The following MED12L variants were observed in gnomAD, a reference collection of about 807,000 sequenced individuals.
MED12L encodes the protein mediator of RNA polymerase II transcription subunit 12-like protein.
MED12L carries 60 observed loss-of-function variants against 281.3 expected under a neutral mutation model. The ratio of observed to expected loss-of-function variants is 0.21; its 90% confidence interval spans 0.17 to 0.26. The LOEUF (loss-of-function observed/expected upper bound fraction) is 0.26, where lower values mean the gene tolerates loss of function less well. MED12L is among the 10% of genes least tolerant of loss of function. The probability of loss-of-function intolerance (pLI) is 1.00; values close to 1 mark genes in which losing one functional copy is unlikely to be tolerated. For missense variants in MED12L, 2,146 were observed against 2,680.9 expected (o/e 0.80, Z 4.41); for synonymous variants, 974 against 987.2 (o/e 0.99, Z 0.25).
intron 16 of MED12L, among the ~76,000 whole-genome samples, chr3:151,260,949 A>G (rs960564934): frequency 3.3e-5 from 5 of 152,122 alleles, no homozygotes; most frequent in Admixed American, 3.3e-4. Context: ...CCATCTCCCC[A>G]GACTGATTTC....
intron 11 of MED12L, among the ~76,000 whole-genome samples, chr3:151,170,085 T>C (rs922889803): frequency 6.6e-6 from 1 of 152,140 alleles, no homozygotes; most frequent in African/African-American, 2.4e-5. Context: ...AGTTTCAGTA[T>C]TGGTGAAAGC....
At chr3:151,409,008 G>C (rs931805760) in intron 39 of MED12L, among the ~76,000 whole-genome samples, 1 of 152,200 alleles carries the variant, frequency 6.6e-6, no homozygotes. Context: ...ACTTAGGCTT[G>C]TATTTATGGC....
intron 43 of MED12L, 127 bp downstream of exon 43, chr3:151,416,549 C>CT: frequency 1.1e-6 from 1 of 876,398 alleles, no homozygotes; most frequent in South Asian, 1.7e-5. Flanking sequence ...TTTCCTAGAA[C>CT]TTTACTAGAG....
At chr3:151,372,789 T>C (rs1326404486) in intron 27 of MED12L, 23 bp downstream of exon 27, 1 of 1,584,214 alleles carries the variant, frequency 6.3e-7, no homozygotes, top group Non-Finnish European at 8.7e-7. Flanking sequence ...AATTTGCCTT[T>C]TACTTTGAGT....
chr3:151,276,676 G>A (rs749603029), intron 16 of MED12L, among the ~76,000 whole-genome samples: 2 of 152,192 alleles, frequency 1.3e-5, no homozygotes, highest in African/African-American at 4.8e-5. Context: ...TAGAGTGAAC[G>A]TTCTTCTAGG....
At chr3:151,249,284 G>C (rs1022234057) in intron 16 of MED12L, among the ~76,000 whole-genome samples, 1 of 152,142 alleles carries the variant, frequency 6.6e-6, no homozygotes, top group African/African-American at 2.4e-5. Flanking sequence ...TTCCTGTGAA[G>C]CTGTTGTAAT....
intron 16 of MED12L, among the ~76,000 whole-genome samples, chr3:151,245,425 T>C (rs1577099795): frequency 6.8e-6 from 1 of 147,522 alleles, no homozygotes; most frequent in African/African-American, 2.5e-5. Flanking sequence ...TCCACCATGA[T>C]CAAGTGGGCT....
intron 14 of MED12L, among the ~76,000 whole-genome samples, chr3:151,192,315 T>C (rs559190000): frequency 1.3e-5 from 2 of 152,332 alleles, no homozygotes; most frequent in Admixed American, 1.3e-4. Context: ...ATCCGGATGT[T>C]TGTGTGCTCT....
intron 43 of MED12L, among the ~76,000 whole-genome samples, chr3:151,424,259 G>A (rs1718598104): frequency 6.6e-6 from 1 of 152,192 alleles, no homozygotes; most frequent in Non-Finnish European, 1.5e-5. Context: ...GAAATATCAG[G>A]AGATTTCTGG....
chr3:151,334,085 GA>G (rs1325409905), intron 16 of MED12L, among the ~76,000 whole-genome samples: 2 of 147,404 alleles, frequency 1.4e-5, no homozygotes, highest in Non-Finnish European at 3.0e-5. Context: ...TCAAAAAAAA[GA>G]AAAAAAATCT....
intron 19 of MED12L, among the ~76,000 whole-genome samples, chr3:151,356,455 C>T (rs1753934675): frequency 6.6e-6 from 1 of 152,170 alleles, no homozygotes; most frequent in Non-Finnish European, 1.5e-5. Flanking sequence ...TGTACATTAA[C>T]ATCATTTTAG....
At chr3:151,327,165 A>G (rs1047191942) in intron 16 of MED12L, 1 of 152,192 alleles carries the variant, frequency 6.6e-6, no homozygotes, top group Non-Finnish European at 1.5e-5. Context: ...TGAGAACCCT[A>G]TCACACACCC....
chr3:151,252,115 C>T (rs1230518879), intron 16 of MED12L, among the ~76,000 whole-genome samples: 8 of 152,126 alleles, frequency 5.3e-5, no homozygotes, highest in Admixed American at 2.6e-4. Context: ...CCACCCATCC[C>T]CTCCCTCCCT....
intron 20 of MED12L, among the ~76,000 whole-genome samples, chr3:151,358,200 G>A (rs184739354): frequency 5.9e-5 from 9 of 152,136 alleles, no homozygotes; most frequent in Admixed American, 2.0e-4. Flanking sequence ...AAGAGGAAAT[G>A]CTACCTTTAT....
intron 33 of MED12L, 65 bp from the exon 34 acceptor site, chr3:151,383,714 T>G (rs1025036753): frequency 7.9e-5 from 80 of 1,006,672 alleles, no homozygotes; most frequent in Middle Eastern, 6.3e-4. Flanking sequence ...TTTGATAACA[T>G]AAAGCAATGG....
intron 40 of MED12L, among the ~76,000 whole-genome samples, chr3:151,410,225 C>G (rs920161334): frequency 6.6e-6 from 1 of 152,206 alleles, no homozygotes; most frequent in Non-Finnish European, 1.5e-5. Flanking sequence ...TAATGCAAAT[C>G]TTGAGCTACT....
intron 16 of MED12L, among the ~76,000 whole-genome samples, chr3:151,309,244 T>C (rs974661936): frequency 6.6e-6 from 1 of 152,176 alleles, no homozygotes; most frequent in Non-Finnish European, 1.5e-5. Flanking sequence ...CTTAAACTAA[T>C]AGGAATATTT....
chr3:151,086,910 G>T lies in MED12L; in HGVS notation c.-17G>T, dbSNP rs760844005. 1.3e-6 allele frequency: 2 copies of T among 1,569,386 alleles called. No individual in the cohort carries two copies. The highest frequency in any genetic ancestry group is 1.4e-5 in the African/African-American group (1 of 73,612). On this transcript the variant is annotated 5_prime_UTR_variant, in exon 2 of 45. Transcript: ENST00000687756. ...AGCTCCAACTCTCATTCATTTCGCCGGTTAACATGAGAGATCATGGCCGCC... is the reference window on the plus strand; with the variant it reads ...AGCTCCAACTCTCATTCATTTCGCCTGTTAACATGAGAGATCATGGCCGCC...
rs753735498 is a variant in MED12L at position 151,115,729 on chromosome 3, T to TA, written c.100-600dup. 8.2e-4 allele frequency among the ~76,000 whole-genome samples: 123 copies of TA among 150,648 alleles called. 1 individual carries two copies. Among genetic ancestry groups the TA allele is most frequent in the African/African-American group, 2.2e-3 (90 of 41,108 alleles). On this transcript the variant is annotated intron_variant, in intron 2 of 44. Coordinates refer to ENST00000687756, the MANE Select transcript of MED12L (RefSeq NM_001393769.1). ...TTTTTTTCTTTTTCTAACTTATAAG[T>TA]AAAAAAAAATCTAAACTTACAGGAA...
Sources: gnomAD v4.1 joint callset for allele counts (sites outside exome capture counted in the v4.1 genomes callset) on GRCh38, gnomAD v4.1.1 for gene constraint, MANE v1.5 for transcripts, NCBI Gene and HGNC (gene_info 2026-07-23, HGNC 2026-07-21) for gene names.